Variants in WIPI2 observed in about 807,000 individuals in gnomAD.
The protein encoded by WIPI2 is WD repeat domain, phosphoinositide interacting 2, also known as WD repeat domain phosphoinositide-interacting protein 2.
Under a neutral mutation model 52.3 loss-of-function variants are expected in WIPI2, and 28 were observed. The observed-to-expected ratio is 0.54, with a 90% CI of 0.40 to 0.73. The LOEUF is 0.73. Ranked by LOEUF, WIPI2 falls within the 30% of genes least tolerant of loss-of-function variation. WIPI2 has a pLI of 0.00. For missense variants in WIPI2, 506 were observed against 602.9 expected, an observed-to-expected ratio of 0.84 and a Z score of 1.68; for synonymous variants, 268 against 245.0, an observed-to-expected ratio of 1.09 and a Z score of -0.88.
intron 1 of WIPI2, 74 bp downstream of exon 1, chr7:5,190,567 C>A: frequency 7.7e-7 from 1 of 1,306,618 alleles, no homozygotes; most frequent in African/African-American, 1.5e-5. Context: ...GGCCTCGCTG[C>A]CAAGCTCGGC....
Position 5,190,378 on chromosome 7 carries a change from G to A in WIPI2, c.-42G>A. ...AGTGCAGCCTGACCCGCCCTCGCGC[G>A]CGCGCCCTCCCCGGCCGGGCCCACT... On this transcript the variant is annotated 5_prime_UTR_variant, in exon 1 of 13. Transcript: ENST00000288828. 3.0e-6 allele frequency: 4 copies of A among 1,311,576 alleles called. No individual in the cohort carries two copies. Among genetic ancestry groups the A allele is most frequent in the Non-Finnish European group, 3.9e-6 (4 of 1,025,934 alleles). 81.2% of individuals were successfully genotyped at this position (1,311,576 alleles called of 1,614,324 possible).
At chr7:5,221,210 C>T (rs1480451132) in intron 7 of WIPI2, among the ~76,000 whole-genome samples, 1 of 151,890 alleles carries the variant, frequency 6.6e-6, no homozygotes, top group African/African-American at 2.4e-5. Flanking sequence ...TGACCACTCA[C>T]CTCGGGCTCC....
In WIPI2 at chr7:5,232,315, T is replaced by G. The variant is rs908584233; in HGVS notation, c.*1368T>G. 1 of 398,358 alleles carries G rather than the reference T, an allele frequency of 2.5e-6. No individual in the cohort carries two copies. The highest frequency in any genetic ancestry group is 3.6e-5 in the East Asian group (1 of 28,060). 24.7% of individuals were successfully genotyped at this position (398,358 alleles called of 1,614,324 possible). On this transcript the variant is annotated 3_prime_UTR_variant, in exon 13 of 13. Transcript: ENST00000288828. Reference sequence around the variant, plus strand: ...CGCTGGGCGAAGAGCTGGAGGGGAGTTGTCCCCTCAGCTGAGCGGCTGCGG... The same window carrying G: ...CGCTGGGCGAAGAGCTGGAGGGGAGGTGTCCCCTCAGCTGAGCGGCTGCGG...
chr7:5,231,346 G>A lies in WIPI2; in HGVS notation c.*399G>A, dbSNP rs1037494752. 6 of 161,438 alleles carry A rather than the reference G, an allele frequency of 3.7e-5. No homozygotes were observed. The highest frequency in any genetic ancestry group is 3.4e-4 in the South Asian group (2 of 5,888). The allele number at this position is 161,438 out of a possible 1,614,324, so 10.0% of individuals were successfully genotyped here. A position where few individuals can be genotyped will look rare whatever the true frequency, so the allele number is the denominator to read the frequency against. ...ATAATGCCGAGTGCGTAAGGAAACC[G>A]TGGCGTCGCGCACAGTGGGTCTGCT... On this transcript the variant is annotated 3_prime_UTR_variant, in exon 13 of 13. Coordinates refer to ENST00000288828, the MANE Select transcript of WIPI2 (RefSeq NM_015610.4).
intron 8 of WIPI2, among the ~76,000 whole-genome samples, chr7:5,223,688 G>A (rs1260584161): frequency 1.3e-5 from 2 of 152,138 alleles, no homozygotes; most frequent in African/African-American, 4.8e-5. Context: ...TCCTTCTTGA[G>A]GTGCCCGTAT....
chr7:5,217,812 C>T (rs1782897252), intron 6 of WIPI2, 110 bp from the exon 7 acceptor site: 14 of 1,013,462 alleles, frequency 1.4e-5, no homozygotes, highest in South Asian at 2.7e-5. Context: ...TTGTTTGGAC[C>T]GTAATGGTGT....
intron 3 of WIPI2, among the ~76,000 whole-genome samples, chr7:5,206,416 G>A (rs933640702): frequency 6.6e-6 from 1 of 152,216 alleles, no homozygotes; most frequent in African/African-American, 2.4e-5. Flanking sequence ...TGAGTATATG[G>A]AGGTTCATTT....
chr7:5,203,341 G>C (rs1441504496), intron 3 of WIPI2, among the ~76,000 whole-genome samples: 1 of 152,178 alleles, frequency 6.6e-6, no homozygotes, highest in East Asian at 1.9e-4. Context: ...TTGCATCCTG[G>C]CGGAGCCGCA....
At chr7:5,216,705 C>T (rs777530992) in intron 5 of WIPI2, 46 bp downstream of exon 5, 156 of 1,584,540 alleles carry the variant, frequency 9.8e-5, no homozygotes, top group Non-Finnish European at 1.3e-4. Flanking sequence ...TGATTTTGCC[C>T]TTGAAAGATA....
chr7:5,216,871 A>C (rs1036210942), intron 5 of WIPI2: 5 of 690,978 alleles, frequency 7.2e-6, no homozygotes, highest in Non-Finnish European at 7.2e-6. Flanking sequence ...GAGGTTACTG[A>C]TCAGTTCAAA....
intron 1 of WIPI2, 92 bp from the exon 2 acceptor site, chr7:5,193,026 G>A (rs1208001684): frequency 1.6e-5 from 20 of 1,226,976 alleles, no homozygotes; most frequent in Admixed American, 1.8e-5. Context: ...TTCCAATGTC[G>A]TACTTTTTCA....
At chr7:5,211,113 A>G (rs1209574723) in intron 3 of WIPI2, among the ~76,000 whole-genome samples, 1 of 152,308 alleles carries the variant, frequency 6.6e-6, no homozygotes, top group East Asian at 1.9e-4. Context: ...TTCAGAATCA[A>G]CACGAGAAGA....
At chr7:5,212,304 G>T (rs1782597190) in intron 3 of WIPI2, among the ~76,000 whole-genome samples, 1 of 152,128 alleles carries the variant, frequency 6.6e-6, no homozygotes, top group African/African-American at 2.4e-5. Flanking sequence ...GGTAAGCGCG[G>T]TGACTACTAG....
chr7:5,227,225 G>T lies in WIPI2; in HGVS notation c.894G>T (p.Val298=). 6.2e-7 allele frequency: 1 copy of T among 1,614,038 alleles called. No individual in the cohort carries two copies. Among genetic ancestry groups the T allele is most frequent in the Non-Finnish European group, 8.5e-7 (1 of 1,180,034 alleles). Residue 298 remains valine, a synonymous_variant, in exon 10 of 13, where the codon GTG becomes GTT. Transcript: ENST00000288828. The surrounding 1 kb of genome is among the most constrained non-coding windows in gnomAD (Gnocchi z 8.1). ...PTTWTGYFGK[V]LMASTSYLPS... ...CCTGGACCGGGTACTTCGGGAAAGT[G>T]CTCATGGCCTCCACCAGCTACCTGC...
At chr7:5,197,869 G>A (rs4427074) in intron 2 of WIPI2, among the ~76,000 whole-genome samples, 140,908 of 152,226 alleles carry the variant, frequency 0.93, 65,245 homozygotes, top group East Asian at 0.96. Context: ...TCTGTACCCC[G>A]GTGCTTCCTG....
chr7:5,197,127 A>AAAAAAAAAAAAAC (rs1781789442), intron 2 of WIPI2, among the ~76,000 whole-genome samples: 1 of 147,546 alleles, frequency 6.8e-6, no homozygotes, highest in African/African-American at 2.6e-5. Context: ...ACAAAAAAAA[A>AAAAAAAAAAAAAC]AAAAAAAAAA....
At chr7:5,208,932 T>TAATAATATTGAG (rs1470435943) in intron 3 of WIPI2, among the ~76,000 whole-genome samples, 14 of 152,130 alleles carry the variant, frequency 9.2e-5, no homozygotes, top group Non-Finnish European at 1.6e-4. Context: ...GTTGATACGT[T>TAATAATATTGAG]AATAATATTG....
intron 3 of WIPI2, among the ~76,000 whole-genome samples, chr7:5,212,421 G>A (rs117245652): frequency 6.6e-6 from 1 of 152,192 alleles, no homozygotes; most frequent in African/African-American, 2.4e-5. Context: ...GACAGTGGCC[G>A]GGGAAGGGCC....
chr7:5,208,048 G>T (rs764895908), intron 3 of WIPI2, among the ~76,000 whole-genome samples: 4 of 152,178 alleles, frequency 2.6e-5, no homozygotes, highest in Non-Finnish European at 5.9e-5. Context: ...TTACAGGCGT[G>T]AGCCACCACA....
Sources: gnomAD v4.1 joint callset for allele counts (sites outside exome capture counted in the v4.1 genomes callset) on GRCh38, gnomAD v4.1.1 for gene constraint, Gnocchi (gnomAD v3.1) non-coding constraint, MANE v1.5 for transcripts, NCBI Gene and HGNC (gene_info 2026-07-23, HGNC 2026-07-21) for gene names.